Variants in AFF1 observed in about 807,000 individuals in gnomAD.
AFF1 encodes ALF transcription elongation factor 1.
In AFF1, 48 loss-of-function variants were observed where a neutral mutation model predicts 121.7. That is an observed-to-expected ratio of 0.39 (90% confidence interval 0.31 to 0.50). The LOEUF (loss-of-function observed/expected upper bound fraction) is 0.50. Among genes scored for constraint, AFF1 ranks in the 20% least tolerant of loss-of-function variants. AFF1 has a pLI of 0.76. For synonymous variants in AFF1, 613 were observed against 563.0 expected, an observed-to-expected ratio of 1.09 and a Z score of -1.26; for missense variants, 1,523 against 1,511.7, an observed-to-expected ratio of 1.01 and a Z score of -0.12.
chr4:87,045,111 A>G lies in AFF1; in HGVS notation c.39-1055A>G, dbSNP rs1354179587. Reference sequence around the variant, plus strand: ...TGTCAAAGGAAATAAGAGAAGTCAGAAGAGGGCAAAGAGGCCAGGAAAGGG... The same window carrying G: ...TGTCAAAGGAAATAAGAGAAGTCAGGAGAGGGCAAAGAGGCCAGGAAAGGG... On this transcript the variant is annotated intron_variant, in intron 2 of 20. Transcript: ENST00000395146. 3.9e-5 allele frequency among the ~76,000 whole-genome samples: 6 copies of G among 152,256 alleles called. No individual in the cohort carries two copies. The South Asian group carries it at 1.2e-3, about 32-fold the overall frequency.
intron 4 of AFF1, among the ~76,000 whole-genome samples, chr4:87,076,352 G>A (rs1722671586): frequency 6.6e-6 from 1 of 152,204 alleles, no homozygotes; most frequent in South Asian, 2.1e-4. Context: ...AGCCTCATTT[G>A]TGTTAGTCTT....
chr4:87,124,920 G>C (rs898793438), intron 12 of AFF1, 117 bp from the exon 13 acceptor site: 1 of 733,798 alleles, frequency 1.4e-6, no homozygotes, highest in African/African-American at 1.8e-5. Context: ...GTTGCTGTGC[G>C]TACAGAGATG....
intron 8 of AFF1, among the ~76,000 whole-genome samples, chr4:87,102,359 A>G (rs976993961): frequency 3.3e-5 from 5 of 151,850 alleles, no homozygotes; most frequent in African/African-American, 1.2e-4. Flanking sequence ...TTGAGTTCCA[A>G]TAGGAAAGTA....
At chr4:87,015,015 T>C (rs1727160142) in intron 2 of AFF1, among the ~76,000 whole-genome samples, 1 of 152,238 alleles carries the variant, frequency 6.6e-6, no homozygotes, top group Non-Finnish European at 1.5e-5. Context: ...GATAAAAGTT[T>C]GAGTCCATGA....
At chr4:87,070,416 C>T (rs1255022299) in intron 4 of AFF1, among the ~76,000 whole-genome samples, 2 of 152,260 alleles carry the variant, frequency 1.3e-5, no homozygotes, top group African/African-American at 2.4e-5. Context: ...GGATTACAGG[C>T]GTGAGCCACC....
intron 5 of AFF1, among the ~76,000 whole-genome samples, chr4:87,087,034 A>G (rs1318553017): frequency 6.6e-6 from 1 of 152,200 alleles, no homozygotes; most frequent in Non-Finnish European, 1.5e-5. Context: ...GGGTCTAGAA[A>G]GGGCAACATG....
At chr4:87,007,254 G>A in intron 2 of AFF1, 2 of 1,497,950 alleles carry the variant, frequency 1.3e-6, no homozygotes, top group Admixed American at 2.4e-5. Context: ...GAGGACGCCC[G>A]GGGCTCGAGA....
intron 4 of AFF1, among the ~76,000 whole-genome samples, chr4:87,059,043 G>C (rs1720454994): frequency 6.6e-6 from 1 of 152,140 alleles, no homozygotes; most frequent in Non-Finnish European, 1.5e-5. Context: ...CTCCTTTGGA[G>C]GCTGCTGTTC....
At chr4:87,006,616 A>ACGTGGTTTACTGC (rs1232868975) in intron 2 of AFF1, among the ~76,000 whole-genome samples, 1 of 152,230 alleles carries the variant, frequency 6.6e-6, no homozygotes, top group African/African-American at 2.4e-5. Context: ...AAAGTAGCGA[A>ACGTGGTTTACTGC]CGTGGTTTAC....
At chr4:87,109,719 G>T (rs1403480328) in intron 11 of AFF1, among the ~76,000 whole-genome samples, 1 of 152,170 alleles carries the variant, frequency 6.6e-6, no homozygotes, top group South Asian at 2.1e-4. Flanking sequence ...CTGAATAATT[G>T]AAACTTGATA....
At chr4:87,055,770 T>C (rs1034602695) in intron 4 of AFF1, among the ~76,000 whole-genome samples, 6 of 152,230 alleles carry the variant, frequency 3.9e-5, no homozygotes, top group Non-Finnish European at 8.8e-5. Flanking sequence ...CCAACACTCA[T>C]GAGATATTTA....
rs763599500 is a variant in AFF1, at chr4:87,105,613, C to A, written c.1284-15C>A. ...ATTTCACATTCATTCTTCTCTGTGT[C>A]CCTGCCCATTCCAGCATGCTCGAAG... On this transcript the variant is annotated splice_polypyrimidine_tract_variant and intron_variant, in intron 8 of 20. Transcript: ENST00000395146. The A allele has an allele frequency of 1.2e-6, 2 of 1,614,094 alleles. No homozygotes were observed. The highest frequency in any genetic ancestry group is 1.7e-5 in the Admixed American group (1 of 60,016).
intron 2 of AFF1, among the ~76,000 whole-genome samples, chr4:87,016,733 C>T (rs1442819257): frequency 6.6e-6 from 1 of 152,124 alleles, no homozygotes; most frequent in Non-Finnish European, 1.5e-5. Context: ...CGGTCCCCAG[C>T]CCCACCACCA....
At chr4:86,952,668 CAAAA>C (rs1390461418) in intron 2 of AFF1, among the ~76,000 whole-genome samples, 136 of 141,692 alleles carry the variant, frequency 9.6e-4, no homozygotes, top group African/African-American at 1.9e-3. Flanking sequence ...TAAAAAAAAA[CAAAA>C]AAACAAAAAC....
Position 87,114,536 on chromosome 4 carries a change from A to T in AFF1, c.1703A>T (p.Asp568Val). The T allele has an allele frequency of 6.2e-7, 1 of 1,612,348 alleles. No individual in the cohort carries two copies. Among genetic ancestry groups the T allele is most frequent in the South Asian group, 1.1e-5 (1 of 90,988 alleles). Residue 568 changes from aspartate to valine, a missense_variant, in exon 12 of 21, where the codon GAT becomes GTT. Coordinates refer to ENST00000395146, the MANE Select transcript of AFF1 (RefSeq NM_001166693.3). ...AGTCAGGAGCATTCTGAATCCAAAG[A>T]TCCTCCCCCTAAAAGCTCCAGCAAA... The part of the protein sequence containing the change: ...ATSQEHSESK[D>V]PPPKSSSKAP...
intron 19 of AFF1, among the ~76,000 whole-genome samples, chr4:87,133,728 ACAT>A (rs367696355): frequency 3.9e-5 from 6 of 152,220 alleles, no homozygotes; most frequent in African/African-American, 1.4e-4. Context: ...GGCAGGTGTA[ACAT>A]CATGAGGCTA....
At chr4:87,018,069 G>C (rs1435367288) in intron 2 of AFF1, among the ~76,000 whole-genome samples, 2 of 152,168 alleles carry the variant, frequency 1.3e-5, no homozygotes, top group African/African-American at 4.8e-5. Context: ...CTGCTGCTCT[G>C]CATATTAATT....
At chr4:86,998,526 A>T (rs1725426678) in intron 2 of AFF1, among the ~76,000 whole-genome samples, 1 of 152,196 alleles carries the variant, frequency 6.6e-6, no homozygotes, top group Non-Finnish European at 1.5e-5. Flanking sequence ...AGAGATACCT[A>T]CTGCTAGCAT....
chr4:87,076,198 A>G (rs1239007169), intron 4 of AFF1, among the ~76,000 whole-genome samples: 5 of 152,164 alleles, frequency 3.3e-5, no homozygotes, highest in South Asian at 2.1e-4. Flanking sequence ...TTCATAATAA[A>G]TTTTTGTTGG....
Sources: gnomAD v4.1 joint callset for allele counts (sites outside exome capture counted in the v4.1 genomes callset) on GRCh38, gnomAD v4.1.1 for gene constraint, MANE v1.5 for transcripts, NCBI Gene and HGNC (gene_info 2026-07-23, HGNC 2026-07-21) for gene names.